The following DAPK1 variants were observed in gnomAD, a reference collection of about 807,000 sequenced individuals.
DAPK1 encodes death-associated protein kinase 1.
A neutral mutation model predicts 144.9 loss-of-function variants in DAPK1; 56 were observed. The observed-to-expected ratio is 0.39, with a 90% confidence interval of 0.31 to 0.48. The LOEUF is 0.48. Among genes scored for constraint, DAPK1 ranks in the 20% least tolerant of loss-of-function variants. The pLI is 0.95. For synonymous variants in DAPK1, 690 were observed against 749.0 expected, an observed-to-expected ratio of 0.92 and a Z score of 1.29; for missense variants, 1,454 against 1,875.4, an observed-to-expected ratio of 0.78 and a Z score of 4.15.
rs891762778 is a variant in DAPK1, at chr9:87,706,162, G to A, written c.3091G>A (p.Asp1031Asn). ...CATCATGCAAAGTGAAACAGTTCAG[G>A]ACGTGCTGCTCCTGGACCCCCGCTG... ...INIMQSETVQ[D>N]VLLLDPRWLC... Residue 1031 changes from aspartate (D) to asparagine (N), a missense_variant, in exon 26 of 26, where the codon GAC (aspartate) becomes AAC (asparagine). Around this residue, in one of 2 missense-constraint regions of DAPK1, gnomAD observed 1,025 missense variants for 1,237.9 expected, o/e 0.83. Transcript: ENST00000408954. This position sits in a 1 kb window ranked among gnomAD's most constrained non-coding sequence, Gnocchi z 9.0. The A allele has an allele frequency of 6.2e-7, 1 of 1,607,336 alleles. No homozygotes were observed. Among genetic ancestry groups the A allele is most frequent in the Non-Finnish European group, 8.5e-7 (1 of 1,174,828 alleles).
intron 2 of DAPK1, among the ~76,000 whole-genome samples, chr9:87,583,168 C>T (rs1343932583): frequency 6.6e-6 from 1 of 152,068 alleles, no homozygotes; most frequent in Non-Finnish European, 1.5e-5. Context: ...TAATTCACAG[C>T]CAGGATAGGG....
chr9:87,521,926 G>A (rs573538541), intron 2 of DAPK1, among the ~76,000 whole-genome samples: 25 of 152,318 alleles, frequency 1.6e-4, no homozygotes, highest in Middle Eastern at 3.4e-3. Flanking sequence ...ATGCGTTATC[G>A]TGGGAGTGCC....
chr9:87,632,896 G>A (rs1829751042), intron 3 of DAPK1: 1 of 889,786 alleles, frequency 1.1e-6, no homozygotes, highest in Non-Finnish European at 1.3e-6. Flanking sequence ...AGGGATGAAG[G>A]AGGATGAGTA....
intron 3 of DAPK1, among the ~76,000 whole-genome samples, chr9:87,607,313 G>A (rs1003842541): frequency 6.6e-6 from 1 of 152,122 alleles, no homozygotes; most frequent in Non-Finnish European, 1.5e-5. Flanking sequence ...CCTTAAGACA[G>A]TGCATACAAA....
intron 2 of DAPK1, among the ~76,000 whole-genome samples, chr9:87,585,092 A>T (rs187091326): frequency 6.6e-6 from 1 of 152,220 alleles, no homozygotes; most frequent in African/African-American, 2.4e-5. Context: ...TTCACTCATT[A>T]TCAGATGTAT....
intron 10 of DAPK1, 106 bp from the exon 11 acceptor site, chr9:87,643,270 T>C: frequency 1.5e-6 from 1 of 651,610 alleles, no homozygotes; most frequent in Non-Finnish European, 2.6e-6. Context: ...GCAGGCTTTG[T>C]CGTTTGTACT....
At chr9:87,645,651 GTC>G (rs996125445) in intron 11 of DAPK1, among the ~76,000 whole-genome samples, 97 of 152,332 alleles carry the variant, frequency 6.4e-4, no homozygotes, top group African/African-American at 2.3e-3. Flanking sequence ...TGGACATTGT[GTC>G]TCTGGGCTAT....
At chr9:87,498,717 A>G (rs966011835) in intron 1 of DAPK1, 7 of 431,542 alleles carry the variant, frequency 1.6e-5, no homozygotes, top group Admixed American at 7.6e-5. Context: ...TCTGATCCCA[A>G]CAGACCGCCC....
intron 2 of DAPK1, among the ~76,000 whole-genome samples, chr9:87,531,157 G>A (rs1825685219): frequency 6.6e-6 from 1 of 152,160 alleles, no homozygotes; most frequent in Non-Finnish European, 1.5e-5. Context: ...TCATTGCATT[G>A]TTGCACGCAG....
rs577570112 is a variant in DAPK1, at chr9:87,691,761, T to G, written c.2413+5022T>G. 1.2e-4 allele frequency among the ~76,000 whole-genome samples: 18 copies of G among 152,302 alleles called. No homozygotes were observed. In the South Asian group the frequency reaches 2.5e-3, roughly 21 times the overall value. On this transcript the variant is annotated intron_variant, in intron 21 of 25. Coordinates refer to ENST00000408954, the MANE Select transcript of DAPK1 (RefSeq NM_004938.4). Reference sequence around the variant, plus strand: ...ACCCTGTGGTCATTCAGGAGCATGTTGTTTACTTTCCATGTATTTGTACAG... The same window carrying G: ...ACCCTGTGGTCATTCAGGAGCATGTGGTTTACTTTCCATGTATTTGTACAG...
At chr9:87,581,575 G>A (rs188034110) in intron 2 of DAPK1, among the ~76,000 whole-genome samples, 31 of 152,296 alleles carry the variant, frequency 2.0e-4, no homozygotes, top group Admixed American at 1.8e-3. Flanking sequence ...TCAGCTGTTT[G>A]TGTGTAGTTG....
rs146929328 is a variant in DAPK1, at chr9:87,683,587, G to C, written c.2224+1961G>C. Among the ~76,000 whole-genome samples, 374 of 152,274 alleles carry C rather than the reference G, an allele frequency of 2.5e-3. 1 individual carries two copies. The highest frequency in any genetic ancestry group is 4.4e-3 in the Non-Finnish European group (301 of 68,010). Reference sequence around the variant, plus strand: ...AAGTGGGTGTGCAGATGATGCCCAGGAGCCCCCATTGTGGAGTCCTGGGAG... The same window carrying C: ...AAGTGGGTGTGCAGATGATGCCCAGCAGCCCCCATTGTGGAGTCCTGGGAG... On this transcript the variant is annotated intron_variant, in intron 20 of 25. Transcript: ENST00000408954.
intron 12 of DAPK1, 50 bp from the exon 13 acceptor site, chr9:87,646,411 C>T (rs36213054): frequency 4.3e-6 from 6 of 1,385,632 alleles, no homozygotes; most frequent in Non-Finnish European, 6.2e-6. Context: ...TTGGGCTTTT[C>T]CTTTCCTACC....
At chr9:87,703,566 G>A (rs1825532352) in intron 25 of DAPK1, among the ~76,000 whole-genome samples, 1 of 152,148 alleles carries the variant, frequency 6.6e-6, no homozygotes, top group Admixed American at 6.5e-5. Flanking sequence ...CTTCAGGATG[G>A]CTTCTTTGTA....
At chr9:87,662,068 A>G (rs1458899449) in intron 18 of DAPK1, among the ~76,000 whole-genome samples, 7 of 152,186 alleles carry the variant, frequency 4.6e-5, no homozygotes, top group African/African-American at 1.7e-4. Context: ...AACACTCTTT[A>G]TTGAAAAGGG....
intron 2 of DAPK1, among the ~76,000 whole-genome samples, chr9:87,509,396 T>C (rs1324693574): frequency 1.3e-5 from 2 of 152,286 alleles, no homozygotes; most frequent in African/African-American, 2.4e-5. Context: ...AGTTTTCCTC[T>C]TGTTGCTCAG....
At chr9:87,560,505 C>A (rs984221237) in intron 2 of DAPK1, among the ~76,000 whole-genome samples, 2 of 152,036 alleles carry the variant, frequency 1.3e-5, no homozygotes. Context: ...CTTCCCCTAC[C>A]CCTTGGCAGA....
At chr9:87,518,099 G>GTTTTTTT (rs1554675822) in intron 2 of DAPK1, among the ~76,000 whole-genome samples, 2 of 126,044 alleles carry the variant, frequency 1.6e-5, no homozygotes, top group African/African-American at 6.9e-5. Context: ...TGCCGTTTAT[G>GTTTTTTT]TTGTTGTTTT....
intron 3 of DAPK1, among the ~76,000 whole-genome samples, chr9:87,619,435 T>C (rs1195892789): frequency 6.6e-6 from 1 of 152,148 alleles, no homozygotes; most frequent in African/African-American, 2.4e-5. Context: ...TCAGGGAGAC[T>C]GGCTGGGAAA....
Sources: allele counts gnomAD v4.1 joint callset (sites outside exome capture counted in the v4.1 genomes callset), GRCh38; gene constraint gnomAD v4.1.1; regional missense constraint gnomAD v4.1.1; non-coding constraint Gnocchi (gnomAD v3.1); transcripts MANE v1.5; gene names NCBI Gene and HGNC (gene_info 2026-07-23, HGNC 2026-07-21).